The following SLC20A2 variants were observed in gnomAD, a reference collection of about 807,000 sequenced individuals.
SLC20A2 encodes the protein solute carrier family 20 member 2.
Under a neutral mutation model 61.0 loss-of-function variants are expected in SLC20A2, and 30 were observed. The observed-to-expected ratio is 0.49, with a 90% CI of 0.37 to 0.67. The LOEUF (loss-of-function observed/expected upper bound fraction) is 0.67, where lower values mean the gene tolerates loss of function less well. Ranked by LOEUF, SLC20A2 falls within the 30% of genes least tolerant of loss-of-function variation. The pLI is 0.00. For synonymous variants in SLC20A2, 351 were observed against 353.3 expected (o/e 0.99, Z 0.07); for missense variants, 626 against 866.4 (o/e 0.72, Z 3.48).
At chr8:42,445,898 G>A (rs944088355) in intron 5 of SLC20A2, among the ~76,000 whole-genome samples, 7 of 152,278 alleles carry the variant, frequency 4.6e-5, no homozygotes, top group South Asian at 2.1e-4. Flanking sequence ...TACTTTAAAC[G>A]GACATGTGCC....
intron 1 of SLC20A2, among the ~76,000 whole-genome samples, chr8:42,517,001 C>T (rs139609356): frequency 6.6e-6 from 1 of 152,174 alleles, no homozygotes; most frequent in Non-Finnish European, 1.5e-5. Flanking sequence ...CCACCACCCC[C>T]CAAGCATTTC....
rs191401516 is a variant in SLC20A2 at position 42,506,769 on chromosome 8, C to T, written c.-264-34115G>A. Among the ~76,000 whole-genome samples, 6 of 152,304 alleles carry T rather than the reference C, an allele frequency of 3.9e-5. No homozygotes were observed. The East Asian group carries it at 1.2e-3, about 29-fold the overall frequency. On this transcript the variant is annotated intron_variant, in intron 1 of 10. Coordinates refer to the SLC20A2 transcript ENST00000342228. The stretch of plus-strand genomic sequence containing the variant: ...CACTGACTGAAGAACACAGGCGAAT[C>T]ATGTGTCTGGGCAGATGGCTGCTGT...
At chr8:42,433,326 A>G (rs1254608019) in intron 8 of SLC20A2, among the ~76,000 whole-genome samples, 1 of 151,586 alleles carries the variant, frequency 6.6e-6, no homozygotes, top group Non-Finnish European at 1.5e-5. Flanking sequence ...ATCATAGAGT[A>G]TTTATCTTTT....
At chr8:42,489,214 C>T (rs1809311843) in intron 1 of SLC20A2, among the ~76,000 whole-genome samples, 1 of 152,180 alleles carries the variant, frequency 6.6e-6, no homozygotes, top group Non-Finnish European at 1.5e-5. Flanking sequence ...GCTGGGATTA[C>T]AGGCATGAGC....
At chr8:42,505,735 A>G (rs937758385), upstream of SLC20A2, among the ~76,000 whole-genome samples, 1 of 151,876 alleles carries the variant, frequency 6.6e-6, no homozygotes, top group African/African-American at 2.4e-5. Flanking sequence ...CCGTCTCTAC[A>G]AAAAACTTAG....
chr8:42,442,160 C>T (rs980406625), intron 6 of SLC20A2, among the ~76,000 whole-genome samples: 1 of 152,094 alleles, frequency 6.6e-6, no homozygotes, highest in Non-Finnish European at 1.5e-5. Flanking sequence ...CTCGAACTCC[C>T]GACCTCAGGT....
intron 5 of SLC20A2, among the ~76,000 whole-genome samples, chr8:42,452,224 G>GAA (rs1322169617): frequency 2.8e-5 from 4 of 141,644 alleles, no homozygotes; most frequent in Admixed American, 7.0e-5. Flanking sequence ...AGGAAGAGAT[G>GAA]GAAGAGGAGG....
chr8:42,454,403 A>ACCC (rs1422325916), intron 5 of SLC20A2, among the ~76,000 whole-genome samples: 3 of 152,074 alleles, frequency 2.0e-5, no homozygotes, highest in Non-Finnish European at 4.4e-5. Context: ...TGTGCCAGGT[A>ACCC]CCCCACCTTC....
At chr8:42,537,771 T>C (rs1812801341) in intron 1 of SLC20A2, 1 of 152,214 alleles carries the variant, frequency 6.6e-6, no homozygotes, top group Non-Finnish European at 1.5e-5. Flanking sequence ...GCATTCCTTC[T>C]GCAGTTTAGA....
At chr8:42,471,975 A>G (rs1807674587) in intron 2 of SLC20A2, 127 bp downstream of exon 2, 1 of 774,912 alleles carries the variant, frequency 1.3e-6, no homozygotes, top group Admixed American at 2.5e-5. Flanking sequence ...AAGAGAGTAA[A>G]TGTGAAACAT....
At chr8:42,481,723 CCT>C (rs1221536151) in intron 1 of SLC20A2, among the ~76,000 whole-genome samples, 3 of 152,080 alleles carry the variant, frequency 2.0e-5, no homozygotes, top group Non-Finnish European at 4.4e-5. Flanking sequence ...AAATTCTGAC[CCT>C]GTCTTGAGCA....
chr8:42,520,761 A>C lies in SLC20A2; in HGVS notation c.-265+21060T>G, dbSNP rs1811596677. Among the ~76,000 whole-genome samples, 7 of 118,628 alleles carry C rather than the reference A, an allele frequency of 5.9e-5. 3 individuals are homozygous for C. In the Admixed American group the frequency reaches 6.0e-4, roughly 10 times the overall value. The allele number at this position is 118,628 out of a possible 152,430, so 77.8% of individuals were successfully genotyped here. On this transcript the variant is annotated intron_variant, in intron 1 of 10. Transcript: ENST00000342228. Reference sequence around the variant, plus strand: ...AACAAAAAACAAACCAAAAAAAAAAACCCCATTACTTGAAATATTTTCCCC... The same window carrying C: ...AACAAAAAACAAACCAAAAAAAAAACCCCCATTACTTGAAATATTTTCCCC...
At chr8:42,485,479 T>C (rs1348735090) in intron 1 of SLC20A2, among the ~76,000 whole-genome samples, 1 of 150,806 alleles carries the variant, frequency 6.6e-6, no homozygotes, top group African/African-American at 2.4e-5. Context: ...TCATCTCTAC[T>C]AAAAATACAA....
At position 42,467,711 on chromosome 8, in the gene SLC20A2, C is replaced by T. The variant is rs931182700; in HGVS notation, c.290-1794G>A. On this transcript the variant is annotated intron_variant, in intron 2 of 10. Coordinates refer to ENST00000520262, the MANE Select transcript of SLC20A2 (RefSeq NM_001257180.2). ...ACCCTGTGTCAATCCTTAAGGCGTG[C>T]GTTGGGAGGAGAAGGGGCCAGCCTT... 2.0e-5 allele frequency among the ~76,000 whole-genome samples: 3 copies of T among 152,096 alleles called. 1 individual carries two copies. Among genetic ancestry groups the T allele is most frequent in the Non-Finnish European group, 4.4e-5 (3 of 68,010 alleles).
At chr8:42,536,480 C>G (rs1812705335) in intron 1 of SLC20A2, 1 of 152,180 alleles carries the variant, frequency 6.6e-6, no homozygotes, top group Non-Finnish European at 1.5e-5. Context: ...ATCTGTGGAG[C>G]CATTTAGATT....
intron 1 of SLC20A2, among the ~76,000 whole-genome samples, chr8:42,514,692 A>G (rs1465584469): frequency 6.6e-6 from 1 of 150,530 alleles, no homozygotes; most frequent in Non-Finnish European, 1.5e-5. Context: ...CAGGAGGTAG[A>G]GGTTGCAGTG....
intron 8 of SLC20A2, among the ~76,000 whole-genome samples, chr8:42,431,592 TAGA>T (rs1803873910): frequency 6.6e-6 from 1 of 152,254 alleles, no homozygotes; most frequent in African/African-American, 2.4e-5. Flanking sequence ...ATTTTCAATG[TAGA>T]AGAACAGTCT....
At chr8:42,533,654 C>CTTTTTTTCTTTTTTTCTTTT (rs1253260874) in intron 1 of SLC20A2, among the ~76,000 whole-genome samples, 2 of 55,310 alleles carry the variant, frequency 3.6e-5, no homozygotes, top group Admixed American at 2.1e-4. Context: ...ATCAACTGTT[C>CTTTTTTTCTTTTTTTCTTTT]TTTTTTTTTT....
At chr8:42,439,418 C>T in intron 7 of SLC20A2, 32 bp downstream of exon 7, 1 of 1,610,162 alleles carries the variant, frequency 6.2e-7, no homozygotes, top group Non-Finnish European at 8.5e-7. Flanking sequence ...TCTGTGCTGC[C>T]ACAGAACCCA....
Sources: allele counts gnomAD v4.1 joint callset (sites outside exome capture counted in the v4.1 genomes callset), GRCh38; gene constraint gnomAD v4.1.1; transcripts MANE v1.5; gene names NCBI Gene and HGNC (gene_info 2026-07-23, HGNC 2026-07-21).